The following KCNQ3 variants were observed in gnomAD, a reference collection of about 807,000 sequenced individuals.
The protein encoded by KCNQ3 is potassium voltage-gated channel subfamily KQT member 3.
A neutral mutation model predicts 92.5 loss-of-function variants in KCNQ3; 30 were observed. The ratio of observed to expected loss-of-function variants is 0.32; its 90% confidence interval spans 0.24 to 0.44. The LOEUF (loss-of-function observed/expected upper bound fraction) is 0.44, where lower values mean the gene tolerates loss of function less well. KCNQ3 is among the 20% of genes least tolerant of loss of function. KCNQ3 has a pLI of 1.00. For synonymous variants in KCNQ3, 450 were observed against 468.8 expected (o/e 0.96, Z 0.52); for missense variants, 913 against 1,140.3 (o/e 0.80, Z 2.87).
chr8:132,201,478 G>GTTA (rs1190906936), intron 1 of KCNQ3, among the ~76,000 whole-genome samples: 8 of 151,718 alleles, frequency 5.3e-5, no homozygotes, highest in Non-Finnish European at 1.5e-5. Flanking sequence ...AATCAAACTA[G>GTTA]TTATCTGTTT....
chr8:132,148,533 T>C (rs991005957), intron 9 of KCNQ3, among the ~76,000 whole-genome samples: 3 of 152,196 alleles, frequency 2.0e-5, no homozygotes, highest in Non-Finnish European at 4.4e-5. Context: ...ATGGTTAATT[T>C]TATGTGTCAA....
chr8:132,183,817 T>C (rs1263804549), intron 3 of KCNQ3, among the ~76,000 whole-genome samples: 1 of 152,224 alleles, frequency 6.6e-6, no homozygotes, highest in Non-Finnish European at 1.5e-5. Context: ...CATGATGCTG[T>C]AGAAGTAGAT....
intron 9 of KCNQ3, among the ~76,000 whole-genome samples, chr8:132,151,443 G>A (rs2469610): frequency 0.41 from 62,945 of 152,034 alleles, 13,308 homozygotes; most frequent in East Asian, 0.49. Context: ...TTAAACAAAT[G>A]GTGGAAGGAT....
chr8:132,346,520 T>G (rs1357647410), intron 1 of KCNQ3, among the ~76,000 whole-genome samples: 1 of 152,178 alleles, frequency 6.6e-6, no homozygotes, highest in African/African-American at 2.4e-5. Context: ...TAGAACCCTC[T>G]CCACCACTCT....
intron 14 of KCNQ3, 103 bp from the exon 15 acceptor site, chr8:132,130,099 T>TC: frequency 7.5e-7 from 1 of 1,336,384 alleles, no homozygotes; most frequent in Non-Finnish European, 1.0e-6. Context: ...TTTTTTTTTT[T>TC]TGAGACGAAG....
chr8:132,204,930 T>C (rs901620200), intron 1 of KCNQ3, among the ~76,000 whole-genome samples: 1 of 152,136 alleles, frequency 6.6e-6, no homozygotes, highest in Non-Finnish European at 1.5e-5. Context: ...TTCCTTAATT[T>C]TCACCATGGT....
At chr8:132,215,302 T>C (rs1813993430) in intron 1 of KCNQ3, among the ~76,000 whole-genome samples, 1 of 152,238 alleles carries the variant, frequency 6.6e-6, no homozygotes, top group African/African-American at 2.4e-5. Flanking sequence ...GAAAGAAATA[T>C]GGAGTTAATT....
chr8:132,215,068 G>C (rs16904628), intron 1 of KCNQ3, among the ~76,000 whole-genome samples: 18,847 of 152,128 alleles, frequency 0.12, 2,188 homozygotes, highest in African/African-American at 0.31. Context: ...TGCACCTGTC[G>C]TTCCCCCTGG....
intron 1 of KCNQ3, among the ~76,000 whole-genome samples, chr8:132,212,135 T>G (rs1156264843): frequency 1.3e-5 from 2 of 152,074 alleles, no homozygotes; most frequent in Admixed American, 1.3e-4. Context: ...TGCCCACTGA[T>G]GCATTATTTG....
At chr8:132,337,648 T>C (rs1818401884) in intron 1 of KCNQ3, among the ~76,000 whole-genome samples, 2 of 152,008 alleles carry the variant, frequency 1.3e-5, no homozygotes, top group Admixed American at 6.5e-5. Context: ...CATTCACAGG[T>C]ATAAAAGACT....
Position 132,130,075 on chromosome 8 carries a change from T to C in KCNQ3, c.1885-79A>G, listed in dbSNP as rs370829924. ...TGCTATTGGTTGGGAGGAAATATTC[T>C]TTTTTTTTGTTTTTTTTTTTTTTTT... On this transcript the variant is annotated intron_variant, in intron 14 of 14. Transcript: ENST00000388996. 187 of 740,932 alleles carry C rather than the reference T, an allele frequency of 2.5e-4. No individual in the cohort carries two copies. In the African/African-American group the frequency reaches 3.7e-3, roughly 15 times the overall value. 45.9% of individuals were successfully genotyped at this position (740,932 alleles called of 1,614,324 possible).
chr8:132,217,390 C>T (rs931419609), intron 1 of KCNQ3, among the ~76,000 whole-genome samples: 3 of 152,212 alleles, frequency 2.0e-5, no homozygotes, highest in African/African-American at 7.2e-5. Context: ...GGAATCTCTA[C>T]CTCATTGAGG....
chr8:132,182,903 C>CAA (rs1039792311), intron 3 of KCNQ3, among the ~76,000 whole-genome samples: 3 of 152,082 alleles, frequency 2.0e-5, no homozygotes, highest in Non-Finnish European at 2.9e-5. Context: ...CACACACACA[C>CAA]ACACACACAC....
At chr8:132,182,437 A>G (rs532414893) in intron 3 of KCNQ3, among the ~76,000 whole-genome samples, 3 of 152,356 alleles carry the variant, frequency 2.0e-5, no homozygotes, top group Admixed American at 6.5e-5. Flanking sequence ...TATGAGTACA[A>G]TGGAAAACAT....
intron 1 of KCNQ3, chr8:132,187,258 T>A (rs952585812): frequency 2.2e-6 from 1 of 455,906 alleles, no homozygotes; most frequent in Admixed American, 2.4e-5. Flanking sequence ...ACGTTGCGCA[T>A]ACAGAGCTGG....
intron 9 of KCNQ3, among the ~76,000 whole-genome samples, chr8:132,149,116 G>A (rs1196572337): frequency 6.6e-6 from 1 of 152,206 alleles, no homozygotes; most frequent in Non-Finnish European, 1.5e-5. Flanking sequence ...TTGGGACATG[G>A]TTGTGCTTCT....
rs1824618373 is a variant in KCNQ3, at chr8:132,125,041, T to A, written c.*4221A>T. Reference sequence around the variant, plus strand: ...TCATAGTCTGTATCATAAGCTTCTCTTGGTCAACATAATGAAATGAAAGTA... The same window carrying A: ...TCATAGTCTGTATCATAAGCTTCTCATGGTCAACATAATGAAATGAAAGTA... On this transcript the variant is annotated 3_prime_UTR_variant, in exon 15 of 15. Coordinates refer to ENST00000388996, the MANE Select transcript of KCNQ3 (RefSeq NM_004519.4). 6.6e-6 allele frequency: 1 copy of A among 152,212 alleles called. No homozygotes were observed. Among genetic ancestry groups the A allele is most frequent in the African/African-American group, 2.4e-5 (1 of 41,460 alleles). The allele number at this position is 152,212 out of a possible 1,614,324, so 9.4% of individuals were successfully genotyped here. A position where few individuals can be genotyped will look rare whatever the true frequency, so the allele number is the denominator to read the frequency against.
chr8:132,141,389 C>T (rs1462780422), intron 9 of KCNQ3, 58 bp from the exon 10 acceptor site: 2 of 1,456,596 alleles, frequency 1.4e-6, no homozygotes, highest in Non-Finnish European at 1.9e-6. Context: ...CTTAAAATTT[C>T]CCATCCCTCC....
intron 9 of KCNQ3, among the ~76,000 whole-genome samples, chr8:132,144,639 T>C (rs2469519): frequency 0.84 from 128,185 of 152,180 alleles, 54,295 homozygotes; most frequent in Middle Eastern, 0.89. Context: ...CTGGACAATA[T>C]GGCTCTTGTC....
Sources: gnomAD v4.1 joint callset for allele counts (sites outside exome capture counted in the v4.1 genomes callset) on GRCh38, gnomAD v4.1.1 for gene constraint, MANE v1.5 for transcripts, NCBI Gene and HGNC (gene_info 2026-07-23, HGNC 2026-07-21) for gene names.